WNT3: variants seen among roughly 807,000 people sequenced by gnomAD.
The protein encoded by WNT3 is proto-oncogene Wnt-3.
WNT3 carries 7 observed loss-of-function variants against 34.2 expected under a neutral mutation model. The observed-to-expected ratio is 0.20, with a 90% CI of 0.12 to 0.38. The LOEUF (loss-of-function observed/expected upper bound fraction) is 0.38. WNT3 is among the 10% of genes least tolerant of loss of function. The pLI is 1.00. For synonymous variants in WNT3, 212 were observed against 211.5 expected (o/e 1.00, Z -0.02); for missense variants, 267 against 499.8 (o/e 0.53, Z 4.44).
intron 4 of WNT3, among the ~76,000 whole-genome samples, chr17:46,767,180 C>G (rs891773312): frequency 3.9e-5 from 6 of 152,158 alleles, no homozygotes; most frequent in African/African-American, 7.2e-5. Flanking sequence ...CTGTGGAACC[C>G]AGGGCCAGTG....
chr17:46,765,477 C>T (rs771342915), intron 4 of WNT3, among the ~76,000 whole-genome samples: 1 of 152,268 alleles, frequency 6.6e-6, no homozygotes, highest in Admixed American at 6.5e-5. Context: ...AGGAAGGACA[C>T]AAGCCATTTG....
At chr17:46,809,823 T>C (rs2084247712) in intron 1 of WNT3, among the ~76,000 whole-genome samples, 2 of 151,892 alleles carry the variant, frequency 1.3e-5, no homozygotes, top group Non-Finnish European at 2.9e-5. Flanking sequence ...TCCCAGGGGC[T>C]CTCCAGTGAG....
intron 1 of WNT3, among the ~76,000 whole-genome samples, chr17:46,792,918 AG>A (rs1289423126): frequency 1.3e-5 from 2 of 152,104 alleles, no homozygotes; most frequent in Non-Finnish European, 2.9e-5. Flanking sequence ...AGAGAGGCCA[AG>A]TGACTCGTCT....
At chr17:46,770,321 A>G (rs1296524160) in intron 2 of WNT3, among the ~76,000 whole-genome samples, 1 of 152,132 alleles carries the variant, frequency 6.6e-6, no homozygotes, top group African/African-American at 2.4e-5. Flanking sequence ...TGCCTGTTAG[A>G]AACAGGCGCC....
At chr17:46,791,998 C>T (rs1458523977) in intron 1 of WNT3, among the ~76,000 whole-genome samples, 2 of 152,150 alleles carry the variant, frequency 1.3e-5, no homozygotes, top group African/African-American at 4.8e-5. Flanking sequence ...TGTGATTGCA[C>T]CACTGCACTC....
chr17:46,810,897 C>T (rs1005948710), intron 1 of WNT3, among the ~76,000 whole-genome samples: 5 of 152,098 alleles, frequency 3.3e-5, no homozygotes, highest in African/African-American at 4.8e-5. Flanking sequence ...ACTCCCTGCC[C>T]GGAAGCCGCC....
At chr17:46,812,579 G>A (rs778400623) in intron 1 of WNT3, among the ~76,000 whole-genome samples, 1 of 152,168 alleles carries the variant, frequency 6.6e-6, no homozygotes, top group Non-Finnish European at 1.5e-5. Flanking sequence ...GTCGGGGAAT[G>A]ATTAGGGGAC....
At chr17:46,783,550 G>A (rs558983302) in intron 1 of WNT3, among the ~76,000 whole-genome samples, 3 of 152,312 alleles carry the variant, frequency 2.0e-5, no homozygotes, top group Admixed American at 6.5e-5. Flanking sequence ...ACTAGGTCTG[G>A]GCACTGTGGG....
intron 1 of WNT3, among the ~76,000 whole-genome samples, chr17:46,776,568 T>C (rs1479974726): frequency 6.6e-6 from 1 of 152,172 alleles, no homozygotes; most frequent in Non-Finnish European, 1.5e-5. Flanking sequence ...GAGGTCCCCG[T>C]TGAGCCTCCC....
intron 1 of WNT3, among the ~76,000 whole-genome samples, chr17:46,780,012 C>T (rs1055229573): frequency 6.6e-6 from 1 of 152,254 alleles, no homozygotes; most frequent in African/African-American, 2.4e-5. Flanking sequence ...CTACCTCTGC[C>T]TCCCAAAGTG....
chr17:46,785,878 T>C (rs1327618004), intron 1 of WNT3, among the ~76,000 whole-genome samples: 1 of 152,146 alleles, frequency 6.6e-6, no homozygotes, highest in African/African-American at 2.4e-5. Flanking sequence ...GGCGGGGCAG[T>C]GCCTGGGCTG....
chr17:46,817,970 A>C (rs899593989), intron 1 of WNT3, among the ~76,000 whole-genome samples: 32 of 152,026 alleles, frequency 2.1e-4, no homozygotes, highest in African/African-American at 7.7e-4. Flanking sequence ...GAATCTGATG[A>C]AATCCCCCCA....
intron 1 of WNT3, among the ~76,000 whole-genome samples, chr17:46,784,695 C>T (rs1356231726): frequency 6.6e-6 from 1 of 152,070 alleles, no homozygotes; most frequent in Non-Finnish European, 1.5e-5. Flanking sequence ...GACGAGGTCC[C>T]CACGAGATGC....
rs1379933160 is a variant in WNT3 at position 46,774,011 on chromosome 17, A to T, written c.81-102T>A. Reference sequence around the variant, plus strand: ...AACCCTCCGGGGTAGGTGGAGAGGCAGAGGGCCTGTGCCCTGGCACCTGAA... The same window carrying T: ...AACCCTCCGGGGTAGGTGGAGAGGCTGAGGGCCTGTGCCCTGGCACCTGAA... On this transcript the variant is annotated intron_variant, in intron 1 of 4. Coordinates refer to ENST00000225512, the MANE Select transcript of WNT3 (RefSeq NM_030753.5). 3 of 1,498,922 alleles carry T rather than the reference A, an allele frequency of 2.0e-6. No individual in the cohort carries two copies. The African/African-American group carries it at 4.1e-5, about 21-fold the overall frequency. The allele number at this position is 1,498,922 out of a possible 1,614,324, so 92.9% of individuals were successfully genotyped here. A position where few individuals can be genotyped will look rare whatever the true frequency, so the allele number is the denominator to read the frequency against.
chr17:46,797,520 GC>G (rs2084070235), intron 1 of WNT3, among the ~76,000 whole-genome samples: 1 of 152,232 alleles, frequency 6.6e-6, no homozygotes, highest in Non-Finnish European at 1.5e-5. Context: ...AGGGCCTTGG[GC>G]CATGGGAAAA....
chr17:46,796,596 T>C (rs1338235638), intron 1 of WNT3, among the ~76,000 whole-genome samples: 1 of 152,212 alleles, frequency 6.6e-6, no homozygotes, highest in Non-Finnish European at 1.5e-5. Context: ...CAAGCGCAAC[T>C]TGGTTCCTGC....
chr17:46,811,428 G>T (rs1035141083), intron 1 of WNT3, among the ~76,000 whole-genome samples: 1 of 152,200 alleles, frequency 6.6e-6, no homozygotes, highest in Non-Finnish European at 1.5e-5. Context: ...GTATGGGGCC[G>T]TGCCTGCTGG....
intron 1 of WNT3, among the ~76,000 whole-genome samples, chr17:46,776,757 A>G (rs1374078723): frequency 6.6e-6 from 1 of 152,114 alleles, no homozygotes; most frequent in African/African-American, 2.4e-5. Context: ...CCAGGGAAGA[A>G]GCCTGGGCTG....
At chr17:46,807,668 A>T (rs1419242199) in intron 1 of WNT3, among the ~76,000 whole-genome samples, 1 of 152,230 alleles carries the variant, frequency 6.6e-6, no homozygotes, top group Non-Finnish European at 1.5e-5. Context: ...TCCCAAAGAC[A>T]AGTCTTTATT....
Sources: allele counts gnomAD v4.1 joint callset (sites outside exome capture counted in the v4.1 genomes callset), GRCh38; gene constraint gnomAD v4.1.1; transcripts MANE v1.5; gene names NCBI Gene and HGNC (gene_info 2026-07-23, HGNC 2026-07-21).